Variants in ITGA6 observed in about 807,000 individuals in gnomAD.
ITGA6 encodes integrin subunit alpha 6.
In ITGA6, 63 loss-of-function variants were observed where a neutral mutation model predicts 133.6. The ratio of observed to expected loss-of-function variants is 0.47; its 90% CI spans 0.38 to 0.58. The LOEUF (loss-of-function observed/expected upper bound fraction) is 0.58. ITGA6 is among the 20% of genes least tolerant of loss of function. ITGA6 has a pLI of 0.00. For synonymous variants in ITGA6, 434 were observed against 482.0 expected (o/e 0.90, Z 1.30); for missense variants, 1,068 against 1,309.4 (o/e 0.82, Z 2.85).
chr2:172,501,419 T>G (rs1330923298), intron 24 of ITGA6, among the ~76,000 whole-genome samples: 2 of 152,260 alleles, frequency 1.3e-5, no homozygotes, highest in African/African-American at 4.8e-5. Flanking sequence ...ATCTTTTGCC[T>G]CTTTTGGAGT....
rs1033110774 is a variant in ITGA6 at position 172,487,719 on chromosome 2, T to G, written c.2245-9T>G. Reference sequence around the variant, plus strand: ...TGGCCTGTGTTAACAGCTATTTATGTTTTTTTAGGTCACTTTTTATTTGGT... The same window carrying G: ...TGGCCTGTGTTAACAGCTATTTATGGTTTTTTAGGTCACTTTTTATTTGGT... On this transcript the variant is annotated splice_polypyrimidine_tract_variant and intron_variant, in intron 16 of 25. Coordinates refer to ENST00000684293, the MANE Select transcript of ITGA6 (RefSeq NM_000210.4). 6.3e-7 allele frequency: 1 copy of G among 1,589,002 alleles called. No individual in the cohort carries two copies. Among genetic ancestry groups the G allele is most frequent in the Non-Finnish European group, 8.5e-7 (1 of 1,172,688 alleles).
At chr2:172,448,886 C>T (rs1684873827) in intron 1 of ITGA6, among the ~76,000 whole-genome samples, 1 of 152,108 alleles carries the variant, frequency 6.6e-6, no homozygotes, top group Non-Finnish European at 1.5e-5. Flanking sequence ...AGTTTATAGC[C>T]TAGTAAAGTG....
intron 1 of ITGA6, among the ~76,000 whole-genome samples, chr2:172,429,366 G>A (rs1004386142): frequency 1.1e-4 from 16 of 152,154 alleles, no homozygotes; most frequent in Non-Finnish European, 1.0e-4. Flanking sequence ...AATAGATGAC[G>A]TTTATTGTCT....
In ITGA6 at chr2:172,427,670, G is replaced by T; in HGVS notation, c.-119G>T. The T allele has an allele frequency of 1.5e-6, 2 of 1,330,892 alleles. No individual in the cohort carries two copies. The highest frequency in any genetic ancestry group is 1.9e-6 in the Non-Finnish European group (2 of 1,043,024). The allele number at this position is 1,330,892 out of a possible 1,614,324, so 82.4% of individuals were successfully genotyped here. ...CGACCCGTCCCGGGGGTGGGGCCGG[G>T]CGCAGCGGCGAGAGGAGGCGAAGGT... On this transcript the variant is annotated 5_prime_UTR_variant, in exon 1 of 26. Coordinates refer to ENST00000684293, the MANE Select transcript of ITGA6 (RefSeq NM_000210.4).
rs187150901 is a variant in ITGA6 at position 172,483,935 on chromosome 2, C to T, written c.1550-847C>T. Among the ~76,000 whole-genome samples, 231 of 152,238 alleles carry T rather than the reference C, an allele frequency of 1.5e-3. 1 individual carries two copies. Among genetic ancestry groups the T allele is most frequent in the African/African-American group, 4.6e-3 (190 of 41,532 alleles). ...AAGCGATTCTCCTGCCTCAGCCTCCCGAGTAGCTGGGATTACAGGCATGCG... is the reference window on the plus strand; with the variant it reads ...AAGCGATTCTCCTGCCTCAGCCTCCTGAGTAGCTGGGATTACAGGCATGCG... On this transcript the variant is annotated intron_variant, in intron 11 of 25. Coordinates refer to ENST00000684293, the MANE Select transcript of ITGA6 (RefSeq NM_000210.4).
intron 11 of ITGA6, among the ~76,000 whole-genome samples, chr2:172,483,753 G>T (rs1247583024): frequency 6.6e-6 from 1 of 152,112 alleles, no homozygotes; most frequent in Admixed American, 6.5e-5. Context: ...ATATTATGCT[G>T]ACCGACAGGC....
In ITGA6 at chr2:172,479,684, C is replaced by T. The variant is rs147243269; in HGVS notation, c.1432C>T (p.Pro478Ser). 4 of 1,613,816 alleles carry T rather than the reference C, an allele frequency of 2.5e-6. No individual in the cohort carries two copies. The African/African-American group carries it at 5.3e-5, about 22-fold the overall frequency. ...TATTCAGAAAACCATCACAGTAACT[C>T]CTAACAGAATTGACCTCCGCCAGAA... ...INIQKTITVT[P>S]NRIDLRQKTA... The change falls in exon 10 of 26, where the codon CCT becomes TCT. Residue 478 changes from proline (P) to serine (S), a missense_variant. Physicochemically the swap from Pro to Ser is moderately conservative, Grantham distance 74 (BLOSUM62 -1). Transcript: ENST00000684293.
At chr2:172,476,673 C>T (rs896717685) in intron 9 of ITGA6, among the ~76,000 whole-genome samples, 160 bp downstream of exon 9, 1 of 147,542 alleles carries the variant, frequency 6.8e-6, no homozygotes, top group Admixed American at 6.6e-5. Context: ...AATGTAATAA[C>T]AACCTATTTT....
In ITGA6 at chr2:172,498,040, C is replaced by G. The variant is rs1687201072; in HGVS notation, c.3054C>G (p.Ile1018Met). 6.2e-7 allele frequency: 1 copy of G among 1,613,586 alleles called. No individual in the cohort carries two copies. The highest frequency in any genetic ancestry group is 1.7e-5 in the Admixed American group (1 of 60,016). ...ATTCGGGAGTACCTTGGTGGATCAT[C>G]CTAGTGGCTATTCTCGCTGGGATCT... ...AQYSGVPWWI[I>M]LVAILAGILM... is the part of the protein sequence containing the mutation. Residue 1018 changes from isoleucine (I) to methionine (M), a missense_variant, in exon 24 of 26, where the codon ATC becomes ATG. Physicochemically the swap from Ile to Met is conservative, Grantham distance 10 (BLOSUM62 1). Coordinates refer to ENST00000684293, the MANE Select transcript of ITGA6 (RefSeq NM_000210.4).
intron 1 of ITGA6, among the ~76,000 whole-genome samples, chr2:172,449,922 C>CA (rs753594850): frequency 0.3 from 23,444 of 77,286 alleles, 3,649 homozygotes; most frequent in East Asian, 0.5. Context: ...ACTTCCTCTC[C>CA]AAAAAAAAAA....
intron 1 of ITGA6, among the ~76,000 whole-genome samples, chr2:172,462,680 G>A (rs528277581): frequency 1.3e-5 from 2 of 152,274 alleles, no homozygotes; most frequent in South Asian, 4.1e-4. Flanking sequence ...GTGGCAGATA[G>A]AGGCTGAGGG....
At chr2:172,496,031 C>T (rs1687112933) in intron 23 of ITGA6, among the ~76,000 whole-genome samples, 1 of 152,212 alleles carries the variant, frequency 6.6e-6, no homozygotes, top group South Asian at 2.1e-4. Flanking sequence ...ATACACTGTA[C>T]ACCTTCCTTG....
intron 1 of ITGA6, among the ~76,000 whole-genome samples, chr2:172,430,785 A>G (rs557156726): frequency 6.6e-6 from 1 of 152,302 alleles, no homozygotes; most frequent in South Asian, 2.1e-4. Context: ...AAGATTACTC[A>G]ATGGTCAGCC....
intron 1 of ITGA6, chr2:172,428,545 G>GGAAA (rs781064246): frequency 2.4e-5 from 2 of 84,950 alleles, no homozygotes; most frequent in African/African-American, 3.8e-5. Context: ...ACATGCCTTT[G>GGAAA]AAAAAAAAAA....
intron 1 of ITGA6, among the ~76,000 whole-genome samples, chr2:172,429,045 G>A (rs1476701563): frequency 6.6e-6 from 1 of 152,234 alleles, no homozygotes; most frequent in Non-Finnish European, 1.5e-5. Context: ...AGAAAGCAAA[G>A]TGCAGCCACA....
intron 23 of ITGA6, among the ~76,000 whole-genome samples, chr2:172,494,532 TA>T (rs1485790502): frequency 3.3e-5 from 5 of 152,146 alleles, no homozygotes; most frequent in Admixed American, 1.3e-4. Flanking sequence ...AAAACACTTC[TA>T]AATTAGGATA....
intron 1 of ITGA6, among the ~76,000 whole-genome samples, chr2:172,458,276 T>C (rs181867285): frequency 1.3e-5 from 2 of 151,216 alleles, no homozygotes; most frequent in East Asian, 3.9e-4. Context: ...CATCTTTCTC[T>C]ATCACTCAGG....
intron 1 of ITGA6, 71 bp downstream of exon 1, chr2:172,428,041 C>A: frequency 1.3e-6 from 2 of 1,501,726 alleles, no homozygotes; most frequent in Non-Finnish European, 1.8e-6. Context: ...AGGGCGCGCC[C>A]TGTTCCCGCC....
At chr2:172,499,705 A>G (rs1489510344) in intron 24 of ITGA6, among the ~76,000 whole-genome samples, 1 of 152,138 alleles carries the variant, frequency 6.6e-6, no homozygotes, top group Non-Finnish European at 1.5e-5. Context: ...GGGGTTTGAT[A>G]TTTGAGGATG....
Sources: allele counts gnomAD v4.1 joint callset (sites outside exome capture counted in the v4.1 genomes callset), GRCh38; gene constraint gnomAD v4.1.1; transcripts MANE v1.5; gene names NCBI Gene and HGNC (gene_info 2026-07-23, HGNC 2026-07-21).